AHCYL2: variants seen among roughly 807,000 people sequenced by gnomAD.
AHCYL2 encodes S-adenosylhomocysteine hydrolase-like protein 2.
A neutral mutation model predicts 81.4 loss-of-function variants in AHCYL2; 28 were observed. That is an observed-to-expected ratio of 0.34 (90% CI 0.25 to 0.47). The LOEUF (loss-of-function observed/expected upper bound fraction) is 0.47. Among genes scored for constraint, AHCYL2 ranks in the 20% least tolerant of loss-of-function variants. AHCYL2 has a pLI of 1.00. For missense variants in AHCYL2, 551 were observed against 785.1 expected (o/e 0.70, Z 3.56); for synonymous variants, 272 against 290.2 (o/e 0.94, Z 0.64).
At chr7:129,314,361 A>G (rs763284020) in intron 1 of AHCYL2, among the ~76,000 whole-genome samples, 3 of 152,206 alleles carry the variant, frequency 2.0e-5, no homozygotes, top group African/African-American at 4.8e-5. Flanking sequence ...TTGTAAACTC[A>G]TTGACTGTAG....
At chr7:129,372,333 G>A (rs1794449686) in intron 1 of AHCYL2, among the ~76,000 whole-genome samples, 4 of 152,260 alleles carry the variant, frequency 2.6e-5, no homozygotes, top group African/African-American at 9.6e-5. Context: ...ATTACTTTAT[G>A]TACTTGAAAA....
intron 12 of AHCYL2, among the ~76,000 whole-genome samples, chr7:129,415,804 C>A (rs1796818742): frequency 6.6e-6 from 1 of 151,642 alleles, no homozygotes; most frequent in Admixed American, 6.6e-5. Flanking sequence ...TAAAAAAAAA[C>A]AAAATTAGTT....
chr7:129,326,390 G>C (rs1798226612), intron 1 of AHCYL2, among the ~76,000 whole-genome samples: 4 of 152,018 alleles, frequency 2.6e-5, no homozygotes, highest in Admixed American at 2.6e-4. Flanking sequence ...AGCCGGGCGT[G>C]GTGGCAGGCG....
chr7:129,423,080 A>G (rs1035520247), intron 13 of AHCYL2, 142 bp downstream of exon 13: 6 of 634,336 alleles, frequency 9.5e-6, no homozygotes, highest in African/African-American at 3.7e-5. Context: ...TTTTACTTCT[A>G]ATTGTGAAAG....
chr7:129,318,807 G>A (rs1277112587), intron 1 of AHCYL2, among the ~76,000 whole-genome samples: 1 of 151,454 alleles, frequency 6.6e-6, no homozygotes, highest in Non-Finnish European at 1.5e-5. Context: ...TTTAATTTCA[G>A]TAAGTTTTGG....
chr7:129,426,463 C>T lies in AHCYL2; in HGVS notation c.1729C>T (p.His577Tyr). ...TCCAGATGAGTATGTGGCCAGCCTACACCTGCCTACCTTTGATGCCCACTT... is the reference window on the plus strand; with the variant it reads ...TCCAGATGAGTATGTGGCCAGCCTATACCTGCCTACCTTTGATGCCCACTT... ...KKMDEYVASL[H>Y]LPTFDAHLTE... is the part of the protein sequence containing the mutation. The change falls in exon 16 of 17, where the codon CAC (histidine) becomes TAC (tyrosine). Residue 577 changes from histidine (H) to tyrosine (Y), a missense_variant. By Grantham distance (83) the His-to-Tyr change is moderately conservative (BLOSUM62 2). Around this residue, in one of 2 missense-constraint regions of AHCYL2, gnomAD observed 316 missense variants for 543.1 expected, o/e 0.58. Coordinates refer to ENST00000325006, the MANE Select transcript of AHCYL2 (RefSeq NM_015328.4). This position sits in a 1 kb window ranked among gnomAD's most constrained non-coding sequence, Gnocchi z 4.3. 6.2e-7 allele frequency: 1 copy of T among 1,614,128 alleles called. No individual in the cohort carries two copies. Among genetic ancestry groups the T allele is most frequent in the Non-Finnish European group, 8.5e-7 (1 of 1,179,992 alleles).
intron 1 of AHCYL2, among the ~76,000 whole-genome samples, chr7:129,321,743 G>GTTTTTTTTTTTTTTTTTTTTGTTTTTTT (rs1798024159): frequency 2.6e-5 from 2 of 77,626 alleles, no homozygotes; most frequent in East Asian, 4.4e-4. Context: ...TTCTTTCTTT[G>GTTTTTTTTTTTTTTTTTTTTGTTTTTTT]TTTTTTTTTT....
intron 1 of AHCYL2, among the ~76,000 whole-genome samples, chr7:129,286,459 GTTTGT>G (rs71526097): frequency 6.7e-6 from 1 of 150,110 alleles, no homozygotes; most frequent in Non-Finnish European, 1.5e-5. Flanking sequence ...TTGTTTGTTT[GTTTGT>G]TTTGTTTTGT....
intron 1 of AHCYL2, among the ~76,000 whole-genome samples, chr7:129,332,860 G>C (rs1054294295): frequency 1.3e-5 from 2 of 152,210 alleles, no homozygotes; most frequent in Non-Finnish European, 2.9e-5. Flanking sequence ...ACTATAAGAA[G>C]GGTAGAAATT....
At chr7:129,400,814 G>A (rs1003525680) in intron 6 of AHCYL2, among the ~76,000 whole-genome samples, 8 of 151,536 alleles carry the variant, frequency 5.3e-5, no homozygotes, top group African/African-American at 1.7e-4. Flanking sequence ...ATGTTAGTCA[G>A]GACTAGAAAA....
At chr7:129,225,565 C>A in intron 1 of AHCYL2, 126 bp downstream of exon 1, 3 of 1,359,980 alleles carry the variant, frequency 2.2e-6, no homozygotes, top group Non-Finnish European at 2.8e-6. Flanking sequence ...TACCCCTTGT[C>A]CCCTTAAACC....
At chr7:129,306,318 A>G (rs1319996668) in intron 1 of AHCYL2, among the ~76,000 whole-genome samples, 2 of 152,030 alleles carry the variant, frequency 1.3e-5, no homozygotes, top group Non-Finnish European at 2.9e-5. Flanking sequence ...TGTGTTTTCA[A>G]ATAGCCTGTC....
intron 1 of AHCYL2, among the ~76,000 whole-genome samples, chr7:129,225,868 A>G (rs1794196841): frequency 6.6e-6 from 1 of 152,220 alleles, no homozygotes; most frequent in Non-Finnish European, 1.5e-5. Flanking sequence ...GAGAACGAGT[A>G]AGGTGTAGTC....
Position 129,368,915 on chromosome 7 carries a change from C to G in AHCYL2, c.364-10723C>G, listed in dbSNP as rs1020105609. On this transcript the variant is annotated intron_variant, in intron 1 of 16. Coordinates refer to ENST00000325006, the MANE Select transcript of AHCYL2 (RefSeq NM_015328.4). The surrounding 1 kb of genome is among the most constrained non-coding windows in gnomAD (Gnocchi z 4.4). Reference sequence around the variant, plus strand: ...TTTCTCTGGGGGTAAAGAAAAAGAACAATGAGGAGAAAAAACAAAAACAGA... The same window carrying G: ...TTTCTCTGGGGGTAAAGAAAAAGAAGAATGAGGAGAAAAAACAAAAACAGA... Among the ~76,000 whole-genome samples the G allele has an allele frequency of 2.0e-5, 3 of 152,084 alleles. No homozygotes were observed. Among genetic ancestry groups the G allele is most frequent in the African/African-American group, 7.2e-5 (3 of 41,426 alleles).
intron 1 of AHCYL2, chr7:129,377,490 T>C (rs1336682043): frequency 4.4e-6 from 2 of 455,672 alleles, no homozygotes; most frequent in East Asian, 1.4e-4. Context: ...CAATTTGGCA[T>C]TGGTCCCTTG....
intron 1 of AHCYL2, among the ~76,000 whole-genome samples, chr7:129,238,448 G>A (rs931100220): frequency 3.3e-5 from 5 of 152,046 alleles, no homozygotes; most frequent in Admixed American, 2.6e-4. Context: ...TGCAAAAACC[G>A]TTTATTTGTT....
At chr7:129,408,938 T>C in intron 10 of AHCYL2, among the ~76,000 whole-genome samples, 1 of 152,166 alleles carries the variant, frequency 6.6e-6, no homozygotes, top group Admixed American at 6.5e-5. Context: ...AAGTTGGGCA[T>C]GGTGGTGTAT....
chr7:129,407,664 G>C lies in AHCYL2; in HGVS notation c.1295+1198G>C, dbSNP rs117308653. On this transcript the variant is annotated intron_variant, in intron 10 of 16. Transcript: ENST00000325006. ...CCTGTTCAGATTATCCTGTAGACACGAATTGATCACTTACTATGCATTAGA... is the reference window on the plus strand; with the variant it reads ...CCTGTTCAGATTATCCTGTAGACACCAATTGATCACTTACTATGCATTAGA... Among the ~76,000 whole-genome samples the C allele has an allele frequency of 2.6e-5, 4 of 152,242 alleles. No individual in the cohort carries two copies. The East Asian group carries it at 7.7e-4, about 29-fold the overall frequency.
At chr7:129,323,418 A>T (rs1798108606) in intron 1 of AHCYL2, among the ~76,000 whole-genome samples, 2 of 152,220 alleles carry the variant, frequency 1.3e-5, no homozygotes, top group Admixed American at 1.3e-4. Context: ...TTCAGAGAAC[A>T]TACTTTGTAT....
Sources: gnomAD v4.1 joint callset for allele counts (sites outside exome capture counted in the v4.1 genomes callset) on GRCh38, gnomAD v4.1.1 for gene constraint, gnomAD v4.1.1 regional missense constraint, Gnocchi (gnomAD v3.1) non-coding constraint, MANE v1.5 for transcripts, NCBI Gene and HGNC (gene_info 2026-07-23, HGNC 2026-07-21) for gene names.